MAPK10: variants seen among roughly 807,000 people sequenced by gnomAD.
MAPK10 encodes mitogen-activated protein kinase 10.
Under a neutral mutation model 59.3 loss-of-function variants are expected in MAPK10, and 25 were observed. That is an observed-to-expected ratio of 0.42 (90% CI 0.31 to 0.59). MAPK10 has a LOEUF of 0.59. Ranked by LOEUF, MAPK10 falls within the 20% of genes least tolerant of loss-of-function variation. MAPK10 has a pLI of 0.15. For missense variants in MAPK10, 351 were observed against 568.9 expected, an observed-to-expected ratio of 0.62 and a Z score of 3.90; for synonymous variants, 190 against 200.5, an observed-to-expected ratio of 0.95 and a Z score of 0.44.
intron 3 of MAPK10, among the ~76,000 whole-genome samples, chr4:86,187,083 C>T (rs1019580463): frequency 1.3e-5 from 2 of 152,070 alleles, no homozygotes; most frequent in Non-Finnish European, 2.9e-5. Context: ...CTATTTCAGG[C>T]TAATCAGTTC....
At chr4:86,562,139 T>C (rs933633317) in intron 1 of MAPK10, among the ~76,000 whole-genome samples, 4 of 152,154 alleles carry the variant, frequency 2.6e-5, no homozygotes, top group Non-Finnish European at 4.4e-5. Flanking sequence ...GAGGATCCCT[T>C]GGGCCCCAGC....
chr4:86,188,395 C>T (rs1027438188), intron 3 of MAPK10, among the ~76,000 whole-genome samples: 3 of 152,294 alleles, frequency 2.0e-5, no homozygotes, highest in South Asian at 2.1e-4. Context: ...CCTCCACATC[C>T]TCTCCAGCAT....
At chr4:86,352,251 A>T (rs1017862376) in intron 2 of MAPK10, 3 of 151,838 alleles carry the variant, frequency 2.0e-5, no homozygotes, top group Admixed American at 2.0e-4. Context: ...ATATAAACAT[A>T]AAAATGATAT....
Position 86,071,236 on chromosome 4 carries a change from GTTGT to G in MAPK10, c.803-3285_803-3282del, listed in dbSNP as rs376531468. On this transcript the variant is annotated intron_variant, in intron 9 of 13. Coordinates refer to ENST00000641462, the MANE Select transcript of MAPK10 (RefSeq NM_138982.4). ...TGACCTTCGCCCACTTTTTAATGGGGTTGTTTGTTTTTTTCTTGTAAATTTGTTT... is the reference window on the plus strand; with the variant it reads ...TGACCTTCGCCCACTTTTTAATGGGGTTGTTTTTTTCTTGTAAATTTGTTT... Among the ~76,000 whole-genome samples, 537 of 152,098 alleles carry G rather than the reference GTTGT, an allele frequency of 3.5e-3. 1 individual carries two copies. Among genetic ancestry groups the G allele is most frequent in the Middle Eastern group, 6.8e-3 (2 of 294 alleles).
chr4:86,438,052 A>G (rs1243685090), intron 1 of MAPK10, among the ~76,000 whole-genome samples: 1 of 152,162 alleles, frequency 6.6e-6, no homozygotes, highest in Admixed American at 6.5e-5. Context: ...ACAGATCTAT[A>G]ATGCTAGGAA....
At chr4:86,446,229 T>TACTCTAGAGTATGCAAA (rs1750021345) in intron 1 of MAPK10, among the ~76,000 whole-genome samples, 2 of 152,140 alleles carry the variant, frequency 1.3e-5, no homozygotes, top group Non-Finnish European at 2.9e-5. Flanking sequence ...TTGGATTAGC[T>TACTCTAGAGTATGCAAA]GTAAATGGAC....
chr4:86,266,927 T>C (rs906679678), intron 2 of MAPK10, among the ~76,000 whole-genome samples: 1 of 152,080 alleles, frequency 6.6e-6, no homozygotes, highest in Non-Finnish European at 1.5e-5. Flanking sequence ...TTTATGTATT[T>C]TCTTTTGGTG....
At chr4:86,397,740 T>C (rs1382849737) in intron 1 of MAPK10, among the ~76,000 whole-genome samples, 4 of 151,974 alleles carry the variant, frequency 2.6e-5, no homozygotes, top group Non-Finnish European at 4.4e-5. Context: ...ACCCTTAGCC[T>C]TTGCACTCAA....
At chr4:86,403,028 T>C (rs1354154004) in intron 1 of MAPK10, among the ~76,000 whole-genome samples, 32 of 151,874 alleles carry the variant, frequency 2.1e-4, no homozygotes, top group Non-Finnish European at 2.9e-5. Context: ...CAATTAAGGC[T>C]AAGGAAGCAG....
rs138895975 is a variant in MAPK10 at position 86,159,156 on chromosome 4, T to C, written c.236+142A>G. 61 of 557,956 alleles carry C rather than the reference T, an allele frequency of 1.1e-4. No individual in the cohort carries two copies. The East Asian group carries it at 1.6e-3, about 15-fold the overall frequency. The allele number at this position is 557,956 out of a possible 1,614,324, so 34.6% of individuals were successfully genotyped here. ...AAATTAAACATAATGCTCATAATGT[T>C]ATTTTTTTTTCTTCAGTAGGATTAT... On this transcript the variant is annotated intron_variant, in intron 4 of 13. Coordinates refer to ENST00000641462, the MANE Select transcript of MAPK10 (RefSeq NM_138982.4).
At chr4:86,300,536 T>C (rs1277540955) in intron 2 of MAPK10, 1 of 152,204 alleles carries the variant, frequency 6.6e-6, no homozygotes, top group Non-Finnish European at 1.5e-5. Flanking sequence ...ATTTGCTTTA[T>C]AGAATTTCAT....
At chr4:86,290,255 C>T (rs2095177826) in intron 2 of MAPK10, among the ~76,000 whole-genome samples, 1 of 152,128 alleles carries the variant, frequency 6.6e-6, no homozygotes, top group Non-Finnish European at 1.5e-5. Context: ...TGGAAAGTGG[C>T]CCTGTGGTAG....
At chr4:86,056,996 C>A (rs1316000999) in intron 11 of MAPK10, among the ~76,000 whole-genome samples, 1 of 148,432 alleles carries the variant, frequency 6.7e-6, no homozygotes, top group East Asian at 1.9e-4. Context: ...GACGGTCTCA[C>A]TCTGTCTCCC....
At chr4:86,449,855 G>A (rs1485572704) in intron 1 of MAPK10, among the ~76,000 whole-genome samples, 5 of 152,182 alleles carry the variant, frequency 3.3e-5, no homozygotes, top group African/African-American at 9.7e-5. Flanking sequence ...TGTTGTAGGC[G>A]CACAAAGGGC....
In MAPK10 at chr4:86,031,429, A is replaced by T. The variant is rs184685088; in HGVS notation, c.1113T>A (p.Pro371=). The part of the protein sequence containing the change: ...VWYDPAEVEA[P]PPQIYDKQLD... ...ACTGCTTGTCATATATCTGAGGTGG[A>T]GGCTGCCGAATAAAAACAAAAAATA... Residue 371 remains proline (P), a splice_region_variant and synonymous_variant, in exon 12 of 14, where the codon CCT becomes CCA. Transcript: ENST00000641462. 6 of 1,610,840 alleles carry T rather than the reference A, an allele frequency of 3.7e-6. No individual in the cohort carries two copies. In the East Asian group the frequency reaches 1.3e-4, roughly 36 times the overall value.
intron 2 of MAPK10, among the ~76,000 whole-genome samples, chr4:86,245,409 T>C (rs2093018790): frequency 6.6e-6 from 1 of 151,716 alleles, no homozygotes; most frequent in Non-Finnish European, 1.5e-5. Context: ...CCTTCCAGGC[T>C]CAAGTGATCC....
chr4:86,201,198 C>T (rs1045293036), intron 2 of MAPK10, among the ~76,000 whole-genome samples: 1 of 151,924 alleles, frequency 6.6e-6, no homozygotes, highest in African/African-American at 2.4e-5. Flanking sequence ...TATGCTTTAA[C>T]AATATTCCAT....
At chr4:86,350,126 A>C (rs1311341885) in intron 2 of MAPK10, among the ~76,000 whole-genome samples, 1 of 152,122 alleles carries the variant, frequency 6.6e-6, no homozygotes, top group Non-Finnish European at 1.5e-5. Flanking sequence ...ATCTCGATTC[A>C]ATGCAACCTC....
intron 1 of MAPK10, among the ~76,000 whole-genome samples, chr4:86,465,671 T>C (rs1182959886): frequency 6.6e-6 from 1 of 152,242 alleles, no homozygotes; most frequent in Non-Finnish European, 1.5e-5. Context: ...GTAGAGGTTA[T>C]GCTTGTGTTT....
Sources: gnomAD v4.1 joint callset for allele counts (sites outside exome capture counted in the v4.1 genomes callset) on GRCh38, gnomAD v4.1.1 for gene constraint, MANE v1.5 for transcripts, NCBI Gene and HGNC (gene_info 2026-07-23, HGNC 2026-07-21) for gene names.